Variants in CD163 observed in about 807,000 individuals in gnomAD.
The protein encoded by CD163 is scavenger receptor cysteine-rich type 1 protein M130.
In CD163, 64 loss-of-function variants were observed where a neutral mutation model predicts 129.2. The ratio of observed to expected loss-of-function variants is 0.50; its 90% confidence interval spans 0.41 to 0.61. The LOEUF (loss-of-function observed/expected upper bound fraction) is 0.61. Ranked by LOEUF, CD163 falls within the 20% of genes least tolerant of loss-of-function variation. CD163 has a pLI of 0.00. For missense variants in CD163, 1,061 were observed against 1,377.9 expected (o/e 0.77, Z 3.64); for synonymous variants, 446 against 478.5 (o/e 0.93, Z 0.89).
rs114505782 is a variant in CD163 at position 7,484,213 on chromosome 12, G to A, written c.2780-538C>T. ...CAGCCAACTAGGTATATTCCATCCT[G>A]CACATAAGATACATAATGTGACCCA... is the stretch of plus-strand genomic sequence containing the variant. On this transcript the variant is annotated intron_variant, in intron 11 of 16. Transcript: ENST00000432237. Among the ~76,000 whole-genome samples the A allele has an allele frequency of 7.3e-3, 1,112 of 152,082 alleles. 17 individuals carry two copies. Among genetic ancestry groups the A allele is most frequent in the African/African-American group, 0.026 (1,075 of 41,486 alleles).
At chr12:7,498,677 A>T (rs747164488) in intron 4 of CD163, among the ~76,000 whole-genome samples, 191 bp downstream of exon 4, 1 of 152,134 alleles carries the variant, frequency 6.6e-6, no homozygotes, top group East Asian at 1.9e-4. Context: ...CACTTCCCTA[A>T]CCTATTTCTC....
At chr12:7,472,792 T>C (rs1323542492) in intron 16 of CD163, among the ~76,000 whole-genome samples, 1 of 152,184 alleles carries the variant, frequency 6.6e-6, no homozygotes. Context: ...TAAAGGAGCA[T>C]GTTCTAACCC....
intron 16 of CD163, among the ~76,000 whole-genome samples, chr12:7,476,424 G>T (rs752472886): frequency 1.6e-4 from 24 of 152,086 alleles, no homozygotes; most frequent in Non-Finnish European, 3.1e-4. Flanking sequence ...GGCCTCAGAA[G>T]TAACACCACA....
rs1949152393 is a variant in CD163 at position 7,480,782 on chromosome 12, C to T, written c.3343+379G>A. The stretch of plus-strand genomic sequence containing the variant: ...AGCTTTTTACTATCTATATACATCC[C>T]ATAAAATCATGTTGTATACCTTAAA... On this transcript the variant is annotated intron_variant, in intron 15 of 16. Transcript: ENST00000432237. 4.3e-6 allele frequency: 3 copies of T among 696,082 alleles called. No individual in the cohort carries two copies. In the African/African-American group the frequency reaches 5.8e-5, roughly 14 times the overall value. The allele number at this position is 696,082 out of a possible 1,614,324, so 43.1% of individuals were successfully genotyped here. A position where few individuals can be genotyped will look rare whatever the true frequency, so the allele number is the denominator to read the frequency against.
At chr12:7,502,596 T>C in intron 1 of CD163, 32 bp from the exon 2 acceptor site, 1 of 1,148,376 alleles carries the variant, frequency 8.7e-7, no homozygotes, top group Non-Finnish European at 1.3e-6. Context: ...AAAAGTAGCA[T>C]CTTCCCAAAA....
chr12:7,480,071 T>C (rs1337812235), intron 15 of CD163, 158 bp from the exon 16 acceptor site: 8 of 1,368,022 alleles, frequency 5.8e-6, no homozygotes, highest in Middle Eastern at 1.9e-4. Flanking sequence ...TTTGAGCAAC[T>C]AAAAACACCA....
chr12:7,486,488 G>A lies in CD163; in HGVS notation c.2458+11C>T, dbSNP rs749487500. 2 of 1,608,278 alleles carry A rather than the reference G, an allele frequency of 1.2e-6. No homozygotes were observed. The highest frequency in any genetic ancestry group is 1.7e-5 in the Admixed American group (1 of 59,848). On this transcript the variant is annotated intron_variant, in intron 10 of 16. Transcript: ENST00000432237. The stretch of plus-strand genomic sequence containing the variant: ...ATGTAATTATGACCAAAGGTCATAT[G>A]CATAATTTACCTGAGCAGATAACTC...
chr12:7,485,769 G>A lies in CD163; in HGVS notation c.2459-353C>T, dbSNP rs1354300989. Among the ~76,000 whole-genome samples, 1 of 151,738 alleles carries A rather than the reference G, an allele frequency of 6.6e-6. No homozygotes were observed. The highest frequency in any genetic ancestry group is 2.4e-5 in the African/African-American group (1 of 41,230). On this transcript the variant is annotated intron_variant, in intron 10 of 16. Coordinates refer to ENST00000432237, the MANE Select transcript of CD163 (RefSeq NM_203416.4). The surrounding 1 kb of genome is among the most constrained non-coding windows in gnomAD (Gnocchi z 4.5). ...GATAGTTAAAATTGTTAGACACTCA[G>A]GCACTAAAATCAATGTTTTGTGTAC...
Position 7,499,027 on chromosome 12 carries a change from T to C in CD163, c.619A>G (p.Ser207Gly). ...CRQLECGSAV[S>G]FSGSSNFGEG... Reference sequence around the variant, plus strand: ...CCAAAATTAGATGAACCAGAGAAACTGACAGCACTTCCACATTCAAGTTGT... The same window carrying C: ...CCAAAATTAGATGAACCAGAGAAACCGACAGCACTTCCACATTCAAGTTGT... The change falls in exon 4 of 17, where the codon AGT (serine) becomes GGT (glycine). Residue 207 changes from serine to glycine, a missense_variant. Physicochemically the swap from Ser to Gly is moderately conservative, Grantham distance 56 (BLOSUM62 0). Coordinates refer to ENST00000432237, the MANE Select transcript of CD163 (RefSeq NM_203416.4). 6.2e-7 allele frequency: 1 copy of C among 1,614,208 alleles called. No individual in the cohort carries two copies. The highest frequency in any genetic ancestry group is 8.5e-7 in the Non-Finnish European group (1 of 1,180,038).
intron 14 of CD163, among the ~76,000 whole-genome samples, chr12:7,482,403 T>C (rs1032239812): frequency 2.6e-5 from 4 of 152,094 alleles, no homozygotes; most frequent in African/African-American, 7.2e-5. Flanking sequence ...GGGAGCTCCC[T>C]GTGTGGCCCA....
rs1440441806 is a variant in CD163, at chr12:7,480,104, T to G, written c.3344-191A>C. ...CCACCCATAACTAGGAAGAAAAGCA[T>G]GTGTGATTTAAGGGGCAGAGAAAGT... On this transcript the variant is annotated intron_variant, in intron 15 of 16. Coordinates refer to ENST00000432237, the MANE Select transcript of CD163 (RefSeq NM_203416.4). 2.9e-6 allele frequency: 3 copies of G among 1,022,706 alleles called. No individual in the cohort carries two copies. The African/African-American group carries it at 4.9e-5, about 17-fold the overall frequency. The allele number at this position is 1,022,706 out of a possible 1,614,324, so 63.4% of individuals were successfully genotyped here. A position where few individuals can be genotyped will look rare whatever the true frequency, so the allele number is the denominator to read the frequency against.
chr12:7,494,071 T>C lies in CD163; in HGVS notation c.1420+1010A>G, dbSNP rs1949364427. 2.6e-5 allele frequency among the ~76,000 whole-genome samples: 4 copies of C among 152,220 alleles called. No individual in the cohort carries two copies. The South Asian group carries it at 8.3e-4, about 32-fold the overall frequency. On this transcript the variant is annotated intron_variant, in intron 6 of 16. Transcript: ENST00000432237. ...CCACCATTTGGATAATGAAAGCAAA[T>C]GATAGCTATATATAGATTTGTTTGT... is the stretch of plus-strand genomic sequence containing the variant.
intron 12 of CD163, 75 bp downstream of exon 12, chr12:7,483,292 A>G: frequency 7.1e-7 from 1 of 1,403,452 alleles, no homozygotes. Context: ...TCCGGTTTTT[A>G]CACAACACAC....
At chr12:7,484,034 G>A (rs1467775062) in intron 11 of CD163, among the ~76,000 whole-genome samples, 1 of 150,776 alleles carries the variant, frequency 6.6e-6, no homozygotes, top group Non-Finnish European at 1.5e-5. Flanking sequence ...TAGAGACGGG[G>A]TTTCACCATG....
In CD163 at chr12:7,487,547, CA is replaced by C; in HGVS notation, c.1861del (p.Cys621AlafsTer44). On this transcript the variant is annotated frameshift_variant, in exon 8 of 17. Coordinates refer to ENST00000432237, the MANE Select transcript of CD163 (RefSeq NM_203416.4). LOFTEE classifies it high-confidence loss of function. The surrounding 1 kb of genome is among the most constrained non-coding windows in gnomAD (Gnocchi z 5.1). ...GGCAACTCCACATTTAAGCTGCTGG[CA>C]AAGAACATGGGCATCTTCTATGTCC... ...HWDIEDAHVL[C>X]QQLKCGVALS... 1.2e-6 allele frequency: 2 copies of C among 1,614,124 alleles called. No homozygotes were observed. Among genetic ancestry groups the C allele is most frequent in the East Asian group, 4.5e-5 (2 of 44,870 alleles).
At chr12:7,498,290 T>C (rs1252496856) in intron 4 of CD163, among the ~76,000 whole-genome samples, 2 of 152,126 alleles carry the variant, frequency 1.3e-5, no homozygotes, top group African/African-American at 4.8e-5. Context: ...GAGTGGTATC[T>C]CTGCACACAC....
intron 16 of CD163, chr12:7,472,964 AAAGGAT>A: frequency 6.6e-6 from 1 of 152,340 alleles, no homozygotes; most frequent in East Asian, 1.9e-4. Context: ...CAAGTGGAAG[AAAGGAT>A]AACAGTAATT....
chr12:7,478,836 TA>T (rs1432083769), intron 16 of CD163, among the ~76,000 whole-genome samples: 1 of 152,082 alleles, frequency 6.6e-6, no homozygotes, highest in Non-Finnish European at 1.5e-5. Context: ...AATATTTCTA[TA>T]AAAAATACTT....
rs1331780219 is a variant in CD163, at chr12:7,487,943, C to T, written c.1565G>A (p.Gly522Asp). 1.2e-6 allele frequency: 2 copies of T among 1,614,104 alleles called. No homozygotes were observed. Among genetic ancestry groups the T allele is most frequent in the Admixed American group, 1.7e-5 (1 of 60,020 alleles). ...ASVLCRELQC[G>D]TVVSILGGAH... ...TCCCCCCAGGATAGAGACAACTGTG[C>T]CACACTGTAATTCCCTGCATAGAAC... Residue 522 changes from glycine to aspartate, a missense_variant, in exon 7 of 17, where the codon GGC (glycine) becomes GAC (aspartate). Coordinates refer to ENST00000432237, the MANE Select transcript of CD163 (RefSeq NM_203416.4). This position sits in a 1 kb window ranked among gnomAD's most constrained non-coding sequence, Gnocchi z 5.1.
Sources: allele counts gnomAD v4.1 joint callset (sites outside exome capture counted in the v4.1 genomes callset), GRCh38; gene constraint gnomAD v4.1.1; non-coding constraint Gnocchi (gnomAD v3.1); transcripts MANE v1.5; gene names NCBI Gene and HGNC (gene_info 2026-07-23, HGNC 2026-07-21).